LTBP3: variants seen among roughly 807,000 people sequenced by gnomAD.
LTBP3 encodes latent-transforming growth factor beta-binding protein 3.
In LTBP3, 97 loss-of-function variants were observed where a neutral mutation model predicts 159.7. The observed-to-expected ratio is 0.61, with a 90% CI of 0.52 to 0.72. The LOEUF (loss-of-function observed/expected upper bound fraction) is 0.72, where lower values mean the gene tolerates loss of function less well. LTBP3 is among the 30% of genes least tolerant of loss of function. The probability of loss-of-function intolerance (pLI) is 0.00; values close to 1 mark genes in which losing one functional copy is unlikely to be tolerated. For missense variants in LTBP3, 1,584 were observed against 1,864.3 expected (o/e 0.85, Z 2.77); for synonymous variants, 824 against 777.1 (o/e 1.06, Z -1.00).
Position 65,548,008 on chromosome 11 carries a change from G to A in LTBP3, c.1758C>T (p.Gly586=), listed in dbSNP as rs1313039161. ...GGGGGCCCGGCACGCACTCTCCGTG[G>A]CCACAGATGTTCTGGTTCAGTCGGC... The part of the protein sequence containing the change: ...DECRLNQNIC[G]HGECVPGPPD... The change falls in exon 12 of 28, where the codon GGC becomes GGT. Residue 586 remains glycine (G), a synonymous_variant. Transcript: ENST00000301873. 6.2e-7 allele frequency: 1 copy of A among 1,613,912 alleles called. No homozygotes were observed. The highest frequency in any genetic ancestry group is 1.7e-5 in the Admixed American group (1 of 60,014).
chr11:65,540,691 C>G (rs1157776867), intron 21 of LTBP3, 77 bp from the exon 22 acceptor site: 3 of 1,061,754 alleles, frequency 2.8e-6, no homozygotes, highest in Non-Finnish European at 2.6e-6. Context: ...ACCACCGGAG[C>G]GAAGCCATCC....
In LTBP3 at chr11:65,540,043, G is replaced by T. The variant is rs1459646851; in HGVS notation, c.3355C>A (p.Arg1119Ser). ...GGGCTCTCGGGGAGCTGGCAATCGC[G>T]GCCGGAGGGCCCGGGCACCCAGGGC... Reference protein sequence around the residue: ...RPPWVPGPSGRDCQLPESPAE... With the variant: ...RPPWVPGPSGSDCQLPESPAE... The change falls in exon 24 of 28, where the codon CGC (arginine) becomes AGC (serine). Residue 1119 changes from arginine (R) to serine (S), a missense_variant. This residue lies in a region of LTBP3 where 514 missense variants were observed against 530.3 expected (regional missense o/e 0.97). Coordinates refer to ENST00000301873, the MANE Select transcript of LTBP3 (RefSeq NM_001130144.3). 1.3e-6 allele frequency: 2 copies of T among 1,516,250 alleles called. No homozygotes were observed. Among genetic ancestry groups the T allele is most frequent in the Non-Finnish European group, 1.8e-6 (2 of 1,137,928 alleles). The allele number at this position is 1,516,250 out of a possible 1,614,324, so 93.9% of individuals were successfully genotyped here.
In LTBP3 at chr11:65,546,582, A is replaced by C. The variant is rs769452667; in HGVS notation, c.2231-18T>G. 3.2e-5 allele frequency: 52 copies of C among 1,600,956 alleles called. No homozygotes were observed. The African/African-American group carries it at 6.7e-4, about 21-fold the overall frequency. Reference sequence around the variant, plus strand: ...GTTCACGTCTGCGGCGGAAAGACCTAGCCTCGGACTCTGCCCCACCGGAAG... The same window carrying C: ...GTTCACGTCTGCGGCGGAAAGACCTCGCCTCGGACTCTGCCCCACCGGAAG... On this transcript the variant is annotated intron_variant, in intron 15 of 27. Coordinates refer to ENST00000301873, the MANE Select transcript of LTBP3 (RefSeq NM_001130144.3). This position sits in a 1 kb window ranked among gnomAD's most constrained non-coding sequence, Gnocchi z 4.0.
chr11:65,539,694 G>A (rs1490334438), intron 25 of LTBP3, 26 bp downstream of exon 25: 6 of 1,568,408 alleles, frequency 3.8e-6, no homozygotes, highest in Admixed American at 1.8e-5. Context: ...CCTCGCTCCC[G>A]GCCAACTCCT....
Position 65,541,743 on chromosome 11 carries a change from T to C in LTBP3, c.2597-15A>G. On this transcript the variant is annotated splice_polypyrimidine_tract_variant and intron_variant, in intron 18 of 27. Transcript: ENST00000301873. ...CTCATCTATGTCTGCGGGGCAAGAG[T>C]AGCGCAGCTGGAAACCCAGCCCCTC... 6.2e-7 allele frequency: 1 copy of C among 1,613,514 alleles called. No homozygotes were observed. Among genetic ancestry groups the C allele is most frequent in the Non-Finnish European group, 8.5e-7 (1 of 1,179,806 alleles).
intron 11 of LTBP3, 119 bp from the exon 12 acceptor site, chr11:65,548,164 C>A (rs1856462903): frequency 1.4e-6 from 2 of 1,429,470 alleles, no homozygotes; most frequent in South Asian, 2.3e-5. Flanking sequence ...CGCCCATACT[C>A]CAACTCCAGG....
At position 65,557,738 on chromosome 11, in the gene LTBP3, G is replaced by A; in HGVS notation, c.222C>T (p.Thr74=). The A allele has an allele frequency of 6.2e-7, 1 of 1,607,108 alleles. No homozygotes were observed. The highest frequency in any genetic ancestry group is 8.5e-7 in the Non-Finnish European group (1 of 1,179,826). The change falls in exon 1 of 28, where the codon ACC becomes ACT. Residue 74 remains threonine (T), a synonymous_variant. Transcript: ENST00000301873. ...TGTCCCGACACTGGCCCTTGAGACA[G>A]GTCCGCTTGCAGATCACCGGCGCAA... is the stretch of plus-strand genomic sequence containing the variant. The part of the protein sequence containing the change: ...VVFAPVICKR[T]CLKGQCRDSC...
chr11:65,546,456 C>A lies in LTBP3; in HGVS notation c.2339G>T (p.Gly780Val), dbSNP rs1344419395. The A allele has an allele frequency of 8.9e-6, 14 of 1,567,722 alleles. No individual in the cohort carries two copies. Among genetic ancestry groups the A allele is most frequent in the Non-Finnish European group, 1.0e-5 (12 of 1,164,372 alleles). ...CAQGYAPAPD[G>V]RSCLDVDECE... ...CTGGCGCTCACCCAAGCAACTGCGG[C>A]CGTCGGGCGCGGGCGCGTAGCCCTG... The change falls in exon 16 of 28, where the codon GGC (glycine) becomes GTC (valine). Residue 780 changes from glycine (G) to valine (V), a missense_variant. Around this residue, in one of 6 missense-constraint regions of LTBP3, gnomAD observed 565 missense variants for 677.7 expected, o/e 0.83. Transcript: ENST00000301873. The surrounding 1 kb of genome is among the most constrained non-coding windows in gnomAD (Gnocchi z 4.0).
chr11:65,539,066 C>T lies in LTBP3; in HGVS notation c.*14G>A, dbSNP rs1219859639. The T allele has an allele frequency of 7.3e-7, 1 of 1,362,772 alleles. No homozygotes were observed. The highest frequency in any genetic ancestry group is 1.6e-5 in the South Asian group (1 of 62,372). The allele number at this position is 1,362,772 out of a possible 1,614,324, so 84.4% of individuals were successfully genotyped here. A position where few individuals can be genotyped will look rare whatever the true frequency, so the allele number is the denominator to read the frequency against. On this transcript the variant is annotated 3_prime_UTR_variant, in exon 28 of 28. Transcript: ENST00000301873. ...TGATCACCGAGGTCTGGGCCGAGGG[C>T]GGCGTCGGCGGCGTCAGCGGCGGCG...
chr11:65,540,692 G>A (rs928639125), intron 21 of LTBP3, 78 bp from the exon 22 acceptor site: 44 of 1,600,348 alleles, frequency 2.7e-5, no homozygotes, highest in East Asian at 4.5e-5. Flanking sequence ...CCACCGGAGC[G>A]AAGCCATCCC....
chr11:65,553,942 G>C lies in LTBP3; in HGVS notation c.662-39C>G. 1 of 1,519,328 alleles carries C rather than the reference G, an allele frequency of 6.6e-7. No individual in the cohort carries two copies. The highest frequency in any genetic ancestry group is 1.2e-5 in the South Asian group (1 of 84,364). The allele number at this position is 1,519,328 out of a possible 1,614,324, so 94.1% of individuals were successfully genotyped here. ...CGGTGGCCTCAGGGCTGCCCGCACC[G>C]CGCCGCGGGTCACCGCGCTGAGCTC... On this transcript the variant is annotated intron_variant, in intron 2 of 27. Transcript: ENST00000301873. The surrounding 1 kb of genome is among the most constrained non-coding windows in gnomAD (Gnocchi z 6.5).
chr11:65,547,350 A>C lies in LTBP3; in HGVS notation c.2107+89T>G, dbSNP rs2135141367. On this transcript the variant is annotated intron_variant, in intron 14 of 27. Transcript: ENST00000301873. The surrounding 1 kb of genome is among the most constrained non-coding windows in gnomAD (Gnocchi z 4.6). ...CAGAGTGAGACTCCGTCTCGGGGGA[A>C]AAAAAAAAAAATGCAGGCACCCCAG... 1.5e-6 allele frequency: 2 copies of C among 1,296,162 alleles called. No homozygotes were observed. Among genetic ancestry groups the C allele is most frequent in the Non-Finnish European group, 2.1e-6 (2 of 965,670 alleles). 80.3% of individuals were successfully genotyped at this position (1,296,162 alleles called of 1,614,324 possible). A position where few individuals can be genotyped will look rare whatever the true frequency, so the allele number is the denominator to read the frequency against.
In LTBP3 at chr11:65,546,531, G is replaced by A. The variant is rs1248591159; in HGVS notation, c.2264C>T (p.Ser755Leu). ...VNECAEGSPC[S>L]PGWCENLPGS... ...CGGGAGGTTCTCGCACCAGCCAGGCGAGCAGGGGCTGCCCTCGGCGCACTC... is the reference window on the plus strand; with the variant it reads ...CGGGAGGTTCTCGCACCAGCCAGGCAAGCAGGGGCTGCCCTCGGCGCACTC... The change falls in exon 16 of 28, where the codon TCG becomes TTG. Residue 755 changes from serine to leucine, a missense_variant. Ser to Leu is a moderately radical substitution (Grantham distance 145). Around this residue, in one of 6 missense-constraint regions of LTBP3, gnomAD observed 565 missense variants for 677.7 expected, o/e 0.83. Transcript: ENST00000301873. The surrounding 1 kb of genome is among the most constrained non-coding windows in gnomAD (Gnocchi z 4.0). 6.2e-7 allele frequency: 1 copy of A among 1,602,032 alleles called. No individual in the cohort carries two copies. Among genetic ancestry groups the A allele is most frequent in the Non-Finnish European group, 8.5e-7 (1 of 1,179,396 alleles).
At position 65,554,506 on chromosome 11, in the gene LTBP3, G is replaced by C. The variant is rs758684765; in HGVS notation, c.332-126C>G. 2.7e-5 allele frequency: 19 copies of C among 693,014 alleles called. No individual in the cohort carries two copies. Among genetic ancestry groups the C allele is most frequent in the Non-Finnish European group, 4.6e-5 (19 of 414,718 alleles). The allele number at this position is 693,014 out of a possible 1,614,324, so 42.9% of individuals were successfully genotyped here. A position where few individuals can be genotyped will look rare whatever the true frequency, so the allele number is the denominator to read the frequency against. On this transcript the variant is annotated intron_variant, in intron 1 of 27. Transcript: ENST00000301873. This position sits in a 1 kb window ranked among gnomAD's most constrained non-coding sequence, Gnocchi z 5.3. ...GGTTTTGAGATACATCCTACATAGG[G>C]AAACTGCCCTCTCTAGGTTCCCCAA...
Position 65,539,428 on chromosome 11 carries a change from C to G in LTBP3, c.3660G>C (p.Glu1220Asp). The part of the protein sequence containing the change: ...DEDSSEEDSD[E>D]CRCVSGRCVP... ...CGCAGCGGCCACTCACGCAGCGACA[C>G]TCGTCTGAATCCTCCTCTGAACTGT... Residue 1220 changes from glutamate to aspartate, a missense_variant, in exon 27 of 28, where the codon GAG becomes GAC. By Grantham distance (45) the Glu-to-Asp change is conservative. Coordinates refer to ENST00000301873, the MANE Select transcript of LTBP3 (RefSeq NM_001130144.3). 4 of 1,554,462 alleles carry G rather than the reference C, an allele frequency of 2.6e-6. No homozygotes were observed. The highest frequency in any genetic ancestry group is 3.5e-6 in the Non-Finnish European group (4 of 1,148,830).
At chr11:65,540,848 G>A (rs374750244) in intron 21 of LTBP3, 23 bp downstream of exon 21, 27 of 1,600,144 alleles carry the variant, frequency 1.7e-5, no homozygotes, top group African/African-American at 9.3e-5. Flanking sequence ...GGCGCGGGGC[G>A]GGCGGAGCCG....
At chr11:65,551,728 T>G (rs1490172858) in intron 8 of LTBP3, 164 bp from the exon 9 acceptor site, 3 of 962,114 alleles carry the variant, frequency 3.1e-6, no homozygotes, top group Non-Finnish European at 4.9e-6. Context: ...TGTGTTTGCA[T>G]AGTAGTCACA....
At position 65,554,099 on chromosome 11, in the gene LTBP3, G is replaced by C. The variant is rs1360019702; in HGVS notation, c.613C>G (p.His205Asp). ...CCTAGGGGCACCAGGAAGGCTGCGT[G>C]CTGGGCAGGAGGCCCCTCCCCGGGC... is the stretch of plus-strand genomic sequence containing the variant. Reference protein sequence around the residue: ...PGPGEGPPAQHAAFLVPLGPG... With the variant: ...PGPGEGPPAQDAAFLVPLGPG... Residue 205 changes from histidine (H) to aspartate (D), a missense_variant, in exon 2 of 28, where the codon CAC (histidine) becomes GAC (aspartate). Transcript: ENST00000301873. The surrounding 1 kb of genome is among the most constrained non-coding windows in gnomAD (Gnocchi z 5.3). The C allele has an allele frequency of 1.2e-6, 2 of 1,609,488 alleles. No individual in the cohort carries two copies. Among genetic ancestry groups the C allele is most frequent in the Non-Finnish European group, 1.7e-6 (2 of 1,179,530 alleles).
chr11:65,543,125 A>G lies in LTBP3; in HGVS notation c.2576T>C (p.Val859Ala). Residue 859 changes from valine to alanine, a missense_variant, in exon 18 of 28, where the codon GTG (valine) becomes GCG (alanine). This residue lies in a region of LTBP3 where 565 missense variants were observed against 677.7 expected (regional missense o/e 0.83). Transcript: ENST00000301873. Reference protein sequence around the residue: ...RCLCPQGHRLVGGRKCQDIDE... With the variant: ...RCLCPQGHRLAGGRKCQDIDE... ...CATACCTTGGCATTTCCTGCCACCC[A>G]CCAGCCGATGCCCCTGGGGGCAAAG... 4 of 1,610,310 alleles carry G rather than the reference A, an allele frequency of 2.5e-6. No homozygotes were observed. The highest frequency in any genetic ancestry group is 3.4e-6 in the Non-Finnish European group (4 of 1,179,012).
Sources: allele counts gnomAD v4.1 joint callset, GRCh38; gene constraint gnomAD v4.1.1; regional missense constraint gnomAD v4.1.1; non-coding constraint Gnocchi (gnomAD v3.1); transcripts MANE v1.5; gene names NCBI Gene and HGNC (gene_info 2026-07-23, HGNC 2026-07-21).